NGEF: variants seen among roughly 807,000 people sequenced by gnomAD.
NGEF encodes the protein ephexin-1.
A neutral mutation model predicts 80.9 loss-of-function variants in NGEF; 31 were observed. The observed-to-expected ratio is 0.38, with a 90% CI of 0.29 to 0.52. The LOEUF is 0.52. NGEF is among the 20% of genes least tolerant of loss of function. NGEF has a pLI of 0.84. For missense variants in NGEF, 709 were observed against 926.2 expected, an observed-to-expected ratio of 0.77 and a Z score of 3.04; for synonymous variants, 371 against 370.2, an observed-to-expected ratio of 1.00 and a Z score of -0.03.
chr2:233,009,342 C>T (rs1038138768), intron 1 of NGEF, among the ~76,000 whole-genome samples: 2 of 152,100 alleles, frequency 1.3e-5, no homozygotes, highest in African/African-American at 4.8e-5. Context: ...CATGTTGCTG[C>T]CCAAAACTCC....
intron 3 of NGEF, chr2:232,928,116 G>A: frequency 9.8e-7 from 1 of 1,024,974 alleles, no homozygotes; most frequent in Non-Finnish European, 1.2e-6. Flanking sequence ...CGGCTCGACC[G>A]GAGCTGCAGC....
intron 1 of NGEF, among the ~76,000 whole-genome samples, chr2:232,983,130 G>A (rs535611190): frequency 2.2e-4 from 33 of 152,312 alleles, no homozygotes; most frequent in Admixed American, 3.9e-4. Context: ...AGGTGAGGGC[G>A]AGAGAAAGAT....
At chr2:232,888,176 C>A (rs892951341) in intron 8 of NGEF, 69 bp from the exon 9 acceptor site, 2 of 1,174,166 alleles carry the variant, frequency 1.7e-6, no homozygotes, top group Non-Finnish European at 2.5e-6. Flanking sequence ...CCACCTTGAC[C>A]GTGACTACCT....
intron 10 of NGEF, chr2:232,884,949 G>C: frequency 4.3e-6 from 1 of 230,000 alleles, no homozygotes; most frequent in Non-Finnish European, 8.4e-6. Flanking sequence ...CCCTGGAGCA[G>C]CACCCCCCAC....
intron 3 of NGEF, among the ~76,000 whole-genome samples, chr2:232,961,558 T>C (rs1272309320): frequency 1.3e-5 from 2 of 152,102 alleles, no homozygotes; most frequent in African/African-American, 4.8e-5. Flanking sequence ...AGTGGCGCGA[T>C]CTCTGCTCAC....
At chr2:232,952,543 A>G (rs756587933) in intron 3 of NGEF, among the ~76,000 whole-genome samples, 18 of 152,194 alleles carry the variant, frequency 1.2e-4, no homozygotes, top group Non-Finnish European at 2.4e-4. Flanking sequence ...CCTAACAGTG[A>G]TTACTACATT....
At chr2:232,937,569 A>G (rs1310067808) in intron 3 of NGEF, among the ~76,000 whole-genome samples, 2 of 152,142 alleles carry the variant, frequency 1.3e-5, no homozygotes, top group Non-Finnish European at 2.9e-5. Flanking sequence ...TTCTCCTCCC[A>G]GTGAACCTGA....
At chr2:232,943,730 C>G (rs1016048551) in intron 3 of NGEF, among the ~76,000 whole-genome samples, 2 of 150,054 alleles carry the variant, frequency 1.3e-5, no homozygotes, top group Non-Finnish European at 3.0e-5. Flanking sequence ...CTCCTGACCT[C>G]GTGATCCGCC....
rs1211923512 is a variant in NGEF at position 232,900,367 on chromosome 2, CACTT to C, written c.829-5455_829-5452del. ...TCACTCATACACGTTCACTCACATT[CACTT>C]ACACACACACGCTCTCACAGTCACT... On this transcript the variant is annotated intron_variant, in intron 5 of 14. Transcript: ENST00000264051. Among the ~76,000 whole-genome samples the C allele has an allele frequency of 3.7e-4, 38 of 103,962 alleles. 5 individuals are homozygous for C. The highest frequency in any genetic ancestry group is 1.4e-3 in the African/African-American group (37 of 26,616). 68.2% of individuals were successfully genotyped at this position (103,962 alleles called of 152,430 possible). A position where few individuals can be genotyped will look rare whatever the true frequency, so the allele number is the denominator to read the frequency against.
intron 5 of NGEF, among the ~76,000 whole-genome samples, chr2:232,907,188 G>GAAAAAAAAAAAAAAAAAAAAAA (rs10654316): frequency 8.8e-6 from 1 of 113,156 alleles, no homozygotes; most frequent in Admixed American, 9.9e-5. Context: ...AGAAAAAAAA[G>GAAAAAAAAAAAAAAAAAAAAAA]AAAAAAAAAA....
Position 232,893,011 on chromosome 2 carries a change from G to C in NGEF, c.1029C>G (p.Ile343Met), listed in dbSNP as rs146885458. ...CAATGTCACACACGTCAGAGATGAC[G>C]ATGTTCTCCTCCATCCGGTGCTCCA... is the stretch of plus-strand genomic sequence containing the variant. ...LELEHRMEEN[I>M]VISDVCDIVY... is the part of the protein sequence containing the mutation. Residue 343 changes from isoleucine (I) to methionine (M), a missense_variant, in exon 7 of 15, where the codon ATC becomes ATG. By Grantham distance (10) the Ile-to-Met change is conservative. This residue lies in a region of NGEF where 426 missense variants were observed against 622.9 expected (regional missense o/e 0.68). Coordinates refer to ENST00000264051, the MANE Select transcript of NGEF (RefSeq NM_019850.3). 3.1e-6 allele frequency: 5 copies of C among 1,613,374 alleles called. No homozygotes were observed. The highest frequency in any genetic ancestry group is 4.2e-6 in the Non-Finnish European group (5 of 1,179,918).
intron 2 of NGEF, among the ~76,000 whole-genome samples, chr2:232,972,949 G>T (rs1318621107): frequency 6.6e-6 from 1 of 151,956 alleles, no homozygotes; most frequent in Non-Finnish European, 1.5e-5. Context: ...TAGAGATGGA[G>T]TTTCACCATG....
At chr2:232,971,769 C>G (rs562397849) in intron 2 of NGEF, among the ~76,000 whole-genome samples, 1 of 152,342 alleles carries the variant, frequency 6.6e-6, no homozygotes, top group South Asian at 2.1e-4. Flanking sequence ...TGGCACTGTT[C>G]TGTCTATCTG....
intron 3 of NGEF, among the ~76,000 whole-genome samples, chr2:232,953,373 GAGA>G (rs1574633699): frequency 1.1e-5 from 1 of 93,014 alleles, no homozygotes; most frequent in Non-Finnish European, 2.6e-5. Flanking sequence ...AAGAGAGAGA[GAGA>G]AAAGTGACCA....
intron 3 of NGEF, among the ~76,000 whole-genome samples, chr2:232,965,415 T>C (rs1300220605): frequency 6.6e-6 from 1 of 152,114 alleles, no homozygotes; most frequent in East Asian, 1.9e-4. Context: ...AGGGACCCAG[T>C]ATGAGAAGAC....
intron 5 of NGEF, among the ~76,000 whole-genome samples, chr2:232,900,222 TCA>T (rs1692272129): frequency 2.9e-5 from 4 of 136,502 alleles, no homozygotes; most frequent in South Asian, 2.4e-4. Flanking sequence ...ACACGTTCAC[TCA>T]CATTCACACA....
intron 6 of NGEF, chr2:232,894,486 A>T: frequency 3.3e-6 from 1 of 303,554 alleles, no homozygotes; most frequent in Non-Finnish European, 6.1e-6. Context: ...CGTCACTCCA[A>T]CCTGGGGCCA....
chr2:232,885,434 CG>C, intron 9 of NGEF, 65 bp from the exon 10 acceptor site: 1 of 1,386,538 alleles, frequency 7.2e-7, no homozygotes, highest in South Asian at 1.2e-5. Flanking sequence ...TCCTCCAGCT[CG>C]GTCAGGCCAC....
intron 1 of NGEF, among the ~76,000 whole-genome samples, chr2:233,007,722 T>C (rs1695116245): frequency 1.3e-5 from 2 of 152,244 alleles, no homozygotes; most frequent in East Asian, 1.9e-4. Context: ...GACTTCATTA[T>C]GACCCTGAGC....
Sources: allele counts gnomAD v4.1 joint callset (sites outside exome capture counted in the v4.1 genomes callset), GRCh38; gene constraint gnomAD v4.1.1; regional missense constraint gnomAD v4.1.1; transcripts MANE v1.5; gene names NCBI Gene and HGNC (gene_info 2026-07-23, HGNC 2026-07-21).